STAG1: variants seen among roughly 807,000 people sequenced by gnomAD.
The protein encoded by STAG1 is STAG1 cohesin complex component.
Under a neutral mutation model 170.9 loss-of-function variants are expected in STAG1, and 26 were observed. The observed-to-expected ratio is 0.15, with a 90% CI of 0.11 to 0.21. STAG1 has a LOEUF of 0.21. STAG1 is among the 10% of genes least tolerant of loss of function. The probability of loss-of-function intolerance (pLI) is 1.00; values close to 1 mark genes in which losing one functional copy is unlikely to be tolerated. For synonymous variants in STAG1, 514 were observed against 497.7 expected, an observed-to-expected ratio of 1.03 and a Z score of -0.44; for missense variants, 964 against 1,509.5, an observed-to-expected ratio of 0.64 and a Z score of 5.99.
chr3:136,523,616 G>A (rs371058198), intron 6 of STAG1, among the ~76,000 whole-genome samples: 4 of 152,214 alleles, frequency 2.6e-5, no homozygotes, highest in Admixed American at 6.5e-5. Flanking sequence ...CCATTTGTCA[G>A]TTTTGGCTTT....
intron 28 of STAG1, among the ~76,000 whole-genome samples, chr3:136,355,092 C>G (rs979897365): frequency 1.2e-4 from 18 of 151,908 alleles, no homozygotes; most frequent in African/African-American, 4.1e-4. Context: ...GTGGCTCACA[C>G]CTGTAATCCC....
At chr3:136,371,924 T>C (rs1346074311) in intron 23 of STAG1, among the ~76,000 whole-genome samples, 3 of 152,214 alleles carry the variant, frequency 2.0e-5, no homozygotes, top group South Asian at 4.1e-4. Flanking sequence ...GGGATGGCAT[T>C]CAATCTATAA....
intron 6 of STAG1, among the ~76,000 whole-genome samples, chr3:136,527,705 T>A (rs1469404848): frequency 6.6e-6 from 1 of 152,296 alleles, no homozygotes; most frequent in East Asian, 1.9e-4. Context: ...TTTTTCCCCA[T>A]CTTTGTGGTT....
chr3:136,509,314 T>C lies in STAG1; in HGVS notation c.677-6535A>G, dbSNP rs1343960992. ...GCTTTGAGGAGAAAGTATAAAACAA[T>C]TTTGTTAGGATGTGGAAATAACCCT... On this transcript the variant is annotated intron_variant, in intron 7 of 33. Transcript: ENST00000383202. Among the ~76,000 whole-genome samples the C allele has an allele frequency of 3.3e-5, 5 of 151,872 alleles. No homozygotes were observed. In the East Asian group the frequency reaches 9.7e-4, roughly 29 times the overall value.
chr3:136,682,868 C>G (rs932206135), intron 1 of STAG1, among the ~76,000 whole-genome samples: 2 of 152,088 alleles, frequency 1.3e-5, no homozygotes, highest in Non-Finnish European at 2.9e-5. Context: ...AGAAGCAACC[C>G]AAGTGTCTAC....
intron 21 of STAG1, among the ~76,000 whole-genome samples, chr3:136,409,577 T>C (rs1191099706): frequency 5.9e-5 from 9 of 152,052 alleles, no homozygotes; most frequent in Non-Finnish European, 1.5e-5. Context: ...CCTGAAGTCA[T>C]CCACCTGCCT....
intron 22 of STAG1, among the ~76,000 whole-genome samples, chr3:136,398,121 A>ATT (rs796143474): frequency 5.4e-5 from 7 of 130,098 alleles, no homozygotes; most frequent in East Asian, 2.2e-4. Context: ...TAATTTTTGT[A>ATT]TTTTTTTTTT....
intron 9 of STAG1, among the ~76,000 whole-genome samples, chr3:136,488,172 G>C (rs1238908312): frequency 6.6e-6 from 1 of 152,268 alleles, no homozygotes; most frequent in East Asian, 1.9e-4. Context: ...ACTCAGGTTG[G>C]AGTGCAGTGG....
chr3:136,570,652 T>C lies in STAG1; in HGVS notation c.298-1791A>G, dbSNP rs376730506. Among the ~76,000 whole-genome samples, 129 of 152,322 alleles carry C rather than the reference T, an allele frequency of 8.5e-4. 5 individuals carry two copies. The South Asian group carries it at 0.025, about 30-fold the overall frequency. On this transcript the variant is annotated intron_variant, in intron 4 of 33. Coordinates refer to ENST00000383202, the MANE Select transcript of STAG1 (RefSeq NM_005862.3). Reference sequence around the variant, plus strand: ...TAATAAATCACACTTCCACCAGCAATGTATGACATCCAGCAAGATGTGAGA... The same window carrying C: ...TAATAAATCACACTTCCACCAGCAACGTATGACATCCAGCAAGATGTGAGA...
intron 1 of STAG1, among the ~76,000 whole-genome samples, chr3:136,704,165 C>A (rs951331110): frequency 5.3e-5 from 8 of 151,234 alleles, no homozygotes; most frequent in Non-Finnish European, 8.8e-5. Context: ...ATTCTCCTGC[C>A]TCAGCCTCCC....
In STAG1 at chr3:136,666,074, C is replaced by CAAAAAAAAAAAAAAAAAA. The variant is rs576009223; in HGVS notation, c.-83-35111_-83-35094dup. On this transcript the variant is annotated intron_variant, in intron 1 of 33. Transcript: ENST00000383202. Reference sequence around the variant, plus strand: ...TGGGCGATAGAGTGAGACTCCATCTCAAAAAAAAAAAAAAAAAAAAAAAAA... The same window carrying CAAAAAAAAAAAAAAAAAA: ...TGGGCGATAGAGTGAGACTCCATCTCAAAAAAAAAAAAAAAAAAAAAAAAAAAAAAAAAAAAAAAAAAA... Among the ~76,000 whole-genome samples the CAAAAAAAAAAAAAAAAAA allele has an allele frequency of 2.0e-4, 10 of 51,172 alleles. 1 individual carries two copies. Among genetic ancestry groups the CAAAAAAAAAAAAAAAAAA allele is most frequent in the East Asian group, 1.1e-3 (1 of 874 alleles). 33.6% of individuals were successfully genotyped at this position (51,172 alleles called of 152,430 possible).
chr3:136,582,266 A>G (rs1937607311), intron 4 of STAG1, among the ~76,000 whole-genome samples: 2 of 152,152 alleles, frequency 1.3e-5, no homozygotes, highest in African/African-American at 4.8e-5. Flanking sequence ...TACATAGCCA[A>G]TACCTGCAAT....
intron 1 of STAG1, among the ~76,000 whole-genome samples, chr3:136,718,706 C>T (rs1933018389): frequency 6.6e-6 from 1 of 152,126 alleles, no homozygotes; most frequent in Admixed American, 6.5e-5. Flanking sequence ...GGGTGGATCA[C>T]ATGAGGTCCG....
chr3:136,681,326 C>G (rs1942327826), intron 1 of STAG1, among the ~76,000 whole-genome samples: 1 of 152,136 alleles, frequency 6.6e-6, no homozygotes, highest in East Asian at 1.9e-4. Flanking sequence ...GAATATGAAT[C>G]TTTATATTAG....
At chr3:136,411,065 T>C (rs1028341838) in intron 21 of STAG1, among the ~76,000 whole-genome samples, 1 of 152,186 alleles carries the variant, frequency 6.6e-6, no homozygotes, top group African/African-American at 2.4e-5. Flanking sequence ...TAGTACCTTG[T>C]ATGTAAGAGC....
At chr3:136,578,083 A>G (rs111602733) in intron 4 of STAG1, among the ~76,000 whole-genome samples, 6,090 of 152,328 alleles carry the variant, frequency 0.04, 174 homozygotes, top group Non-Finnish European at 0.053. Flanking sequence ...AGAGGCAATG[A>G]AAACTACAAT....
At chr3:136,456,794 T>C (rs925616271) in intron 13 of STAG1, among the ~76,000 whole-genome samples, 1 of 152,168 alleles carries the variant, frequency 6.6e-6, no homozygotes, top group Admixed American at 6.5e-5. Context: ...ATGGAGCTCC[T>C]ATATGGCTTT....
At chr3:136,657,061 A>T (rs534310497) in intron 1 of STAG1, among the ~76,000 whole-genome samples, 1 of 151,974 alleles carries the variant, frequency 6.6e-6, no homozygotes, top group East Asian at 1.9e-4. Flanking sequence ...ACTTGTGAAT[A>T]TTTTTTATAC....
intron 29 of STAG1, among the ~76,000 whole-genome samples, chr3:136,345,009 G>A (rs1283696276): frequency 2.0e-5 from 3 of 152,120 alleles, no homozygotes; most frequent in Admixed American, 6.5e-5. Context: ...AATTTGTCAT[G>A]TATATAAATT....
Sources: allele counts gnomAD v4.1 joint callset (sites outside exome capture counted in the v4.1 genomes callset), GRCh38; gene constraint gnomAD v4.1.1; transcripts MANE v1.5; gene names NCBI Gene and HGNC (gene_info 2026-07-23, HGNC 2026-07-21).